The following MICU2 variants were observed in gnomAD, a reference collection of about 807,000 sequenced individuals.
The protein encoded by MICU2 is mitochondrial calcium uptake 2.
In MICU2, 64 loss-of-function variants were observed where a neutral mutation model predicts 60.4. That is an observed-to-expected ratio of 1.06 (90% CI 0.87 to 1.31). MICU2 has a LOEUF of 1.31. Among genes scored for constraint, MICU2 ranks in the 50% most tolerant of loss-of-function variants. The pLI is 0.00. For missense variants in MICU2, 569 were observed against 531.0 expected, an observed-to-expected ratio of 1.07 and a Z score of -0.70; for synonymous variants, 201 against 175.0, an observed-to-expected ratio of 1.15 and a Z score of -1.17.
chr13:21,525,593 CTT>C (rs989578666), intron 4 of MICU2, among the ~76,000 whole-genome samples: 3 of 144,626 alleles, frequency 2.1e-5, no homozygotes, highest in Non-Finnish European at 1.5e-5. Context: ...CTTGTATTTT[CTT>C]TTTTTTTTTA....
At chr13:21,519,259 T>C (rs1260504408) in intron 6 of MICU2, among the ~76,000 whole-genome samples, 2 of 152,160 alleles carry the variant, frequency 1.3e-5, no homozygotes, top group Non-Finnish European at 2.9e-5. Context: ...GGTTTCTCCA[T>C]GTTGGTCACG....
In MICU2 at chr13:21,549,835, C is replaced by A. The variant is rs976547577; in HGVS notation, c.359-10147G>T. ...ACTTTAACTTTATAATAATTAATAA[C>A]CTCAAGTGGGACTTTAATAGTGGCA... On this transcript the variant is annotated intron_variant, in intron 2 of 11. Transcript: ENST00000382374. Among the ~76,000 whole-genome samples the A allele has an allele frequency of 3.9e-5, 6 of 152,096 alleles. No homozygotes were observed. In the East Asian group the frequency reaches 1.2e-3, roughly 29 times the overall value.
intron 8 of MICU2, among the ~76,000 whole-genome samples, chr13:21,506,250 T>C (rs1886289284): frequency 6.6e-6 from 1 of 152,154 alleles, no homozygotes; most frequent in South Asian, 2.1e-4. Context: ...TCCTGGACTC[T>C]AGCAATCTGC....
intron 11 of MICU2, among the ~76,000 whole-genome samples, 157 bp from the exon 12 acceptor site, chr13:21,493,510 TG>T (rs971115751): frequency 6.6e-6 from 1 of 151,908 alleles, no homozygotes; most frequent in Admixed American, 6.6e-5. Context: ...GAACTGAAAA[TG>T]GGGGTAAAAG....
At chr13:21,570,947 A>G (rs1593350356) in intron 1 of MICU2, among the ~76,000 whole-genome samples, 1 of 152,362 alleles carries the variant, frequency 6.6e-6, no homozygotes, top group Non-Finnish European at 1.5e-5. Flanking sequence ...ATAGTTTACA[A>G]TAAGCCTTTG....
At chr13:21,553,757 A>C (rs1350844869) in intron 2 of MICU2, among the ~76,000 whole-genome samples, 1 of 152,168 alleles carries the variant, frequency 6.6e-6, no homozygotes, top group Non-Finnish European at 1.5e-5. Flanking sequence ...TAGAGTCAAG[A>C]CCCATCAGTG....
chr13:21,517,887 A>G (rs1472914553), intron 6 of MICU2, among the ~76,000 whole-genome samples: 1 of 152,122 alleles, frequency 6.6e-6, no homozygotes, highest in East Asian at 1.9e-4. Context: ...TAATTAATGT[A>G]AATGTAGTTT....
intron 4 of MICU2, among the ~76,000 whole-genome samples, chr13:21,536,326 A>AT (rs34967503): frequency 0.31 from 47,146 of 151,366 alleles, 8,422 homozygotes; most frequent in South Asian, 0.4. Flanking sequence ...CTTATTCTCA[A>AT]TTTAAAACTA....
Position 21,603,780 on chromosome 13 carries a change from G to A in MICU2, c.210+159C>T, listed in dbSNP as rs57945608. 1.4e-3 allele frequency: 1,114 copies of A among 793,182 alleles called. 21 individuals carry two copies. In the African/African-American group the frequency reaches 0.018, roughly 13 times the overall value. The allele number at this position is 793,182 out of a possible 1,614,324, so 49.1% of individuals were successfully genotyped here. A position where few individuals can be genotyped will look rare whatever the true frequency, so the allele number is the denominator to read the frequency against. On this transcript the variant is annotated intron_variant, in intron 1 of 11. Coordinates refer to ENST00000382374, the MANE Select transcript of MICU2 (RefSeq NM_152726.3). ...GGACTCAGGCCGGGGGCCGGTCCAGGAAGGAGCGAGTCCCACCAGTCGCAG... is the reference window on the plus strand; with the variant it reads ...GGACTCAGGCCGGGGGCCGGTCCAGAAAGGAGCGAGTCCCACCAGTCGCAG...
chr13:21,518,669 A>AT (rs1283480931), intron 6 of MICU2, among the ~76,000 whole-genome samples: 16 of 152,348 alleles, frequency 1.1e-4, no homozygotes, highest in African/African-American at 2.9e-4. Context: ...TCACTTATTT[A>AT]GGTATATGGC....
At chr13:21,562,306 G>C (rs184974264) in intron 2 of MICU2, among the ~76,000 whole-genome samples, 226 of 152,232 alleles carry the variant, frequency 1.5e-3, no homozygotes, top group Non-Finnish European at 2.2e-3. Context: ...CACAATGGTT[G>C]AACTAGTTTA....
chr13:21,566,289 G>T (rs1487483208), intron 2 of MICU2, among the ~76,000 whole-genome samples: 1 of 151,994 alleles, frequency 6.6e-6, no homozygotes, highest in Admixed American at 6.5e-5. Context: ...CAGAGGATGG[G>T]GTCAAATCCA....
At chr13:21,551,687 G>A (rs1203904956) in intron 2 of MICU2, among the ~76,000 whole-genome samples, 1 of 148,398 alleles carries the variant, frequency 6.7e-6, no homozygotes, top group Admixed American at 6.9e-5. Context: ...AACATGCAGT[G>A]TTTGGTTTTT....
At chr13:21,547,903 G>A (rs1478146037) in intron 2 of MICU2, among the ~76,000 whole-genome samples, 2 of 152,158 alleles carry the variant, frequency 1.3e-5, no homozygotes, top group East Asian at 3.8e-4. Context: ...CTCGTGGTCA[G>A]GTGAGAGGTC....
At chr13:21,549,211 G>A (rs980674574) in intron 2 of MICU2, among the ~76,000 whole-genome samples, 2 of 152,098 alleles carry the variant, frequency 1.3e-5, no homozygotes, top group Non-Finnish European at 2.9e-5. Flanking sequence ...TTACAGGCGT[G>A]AGCTAGCGTG....
In MICU2 at chr13:21,495,308, CTT is replaced by C; in HGVS notation, c.1051_1052del (p.Lys351GlufsTer21). The C allele has an allele frequency of 1.3e-6, 2 of 1,592,802 alleles. No individual in the cohort carries two copies. The highest frequency in any genetic ancestry group is 1.7e-6 in the Non-Finnish European group (2 of 1,170,716). On this transcript the variant is annotated frameshift_variant, in exon 11 of 12. Coordinates refer to ENST00000382374, the MANE Select transcript of MICU2 (RefSeq NM_152726.3). LOFTEE classifies it high-confidence loss of function. Reference protein sequence around the residue: ...AHRPVRLAEFKRAVKVATGQE... With the variant: ...AHRPVRLAEFXRAVKVATGQE... ...GTCCTGTTGCTACTTTCACAGCTCTCTTAAACTCCGCTAAAAAACAAACATAA... is the reference window on the plus strand; with the variant it reads ...GTCCTGTTGCTACTTTCACAGCTCTCAAACTCCGCTAAAAAACAAACATAA...
In MICU2 at chr13:21,551,827, C is replaced by T. The variant is rs913800588; in HGVS notation, c.359-12139G>A. On this transcript the variant is annotated intron_variant, in intron 2 of 11. Transcript: ENST00000382374. ...GTATATGTGCCACATTTTCTTAATC[C>T]AGTCTTTGTTGGACATTTGGCTTGG... Among the ~76,000 whole-genome samples the T allele has an allele frequency of 1.8e-4, 27 of 152,020 alleles. 2 individuals carry two copies. Among genetic ancestry groups the T allele is most frequent in the East Asian group, 1.5e-3 (8 of 5,188 alleles).
chr13:21,510,678 C>T (rs775632070), intron 7 of MICU2, among the ~76,000 whole-genome samples: 1 of 151,946 alleles, frequency 6.6e-6, no homozygotes, highest in African/African-American at 2.4e-5. Flanking sequence ...TAAGTTTAAG[C>T]CACAATTTTG....
intron 6 of MICU2, among the ~76,000 whole-genome samples, chr13:21,518,221 T>A (rs1299551697): frequency 6.6e-6 from 1 of 152,244 alleles, no homozygotes; most frequent in Non-Finnish European, 1.5e-5. Flanking sequence ...TAGGTATGCA[T>A]AACAAATTCA....
Sources: allele counts gnomAD v4.1 joint callset (sites outside exome capture counted in the v4.1 genomes callset), GRCh38; gene constraint gnomAD v4.1.1; transcripts MANE v1.5; gene names NCBI Gene and HGNC (gene_info 2026-07-23, HGNC 2026-07-21).